Variants in DNM3 observed in about 807,000 individuals in gnomAD.
The protein encoded by DNM3 is dynamin 3, also known as dynamin-3.
DNM3 carries 47 observed loss-of-function variants against 101.6 expected under a neutral mutation model. That is an observed-to-expected ratio of 0.46 (90% CI 0.37 to 0.59). DNM3 has a LOEUF of 0.59. Among genes scored for constraint, DNM3 ranks in the 20% least tolerant of loss-of-function variants. The probability of loss-of-function intolerance (pLI) is 0.00; values close to 1 mark genes in which losing one functional copy is unlikely to be tolerated. For synonymous variants in DNM3, 385 were observed against 387.9 expected (o/e 0.99, Z 0.09); for missense variants, 849 against 1,085.7 (o/e 0.78, Z 3.06).
chr1:172,281,790 G>T (rs1323311305), intron 15 of DNM3, among the ~76,000 whole-genome samples: 1 of 151,944 alleles, frequency 6.6e-6, no homozygotes, highest in Non-Finnish European at 1.5e-5. Flanking sequence ...TGAGATAAAT[G>T]TTCCTAACAA....
At chr1:172,234,377 G>A (rs529235293) in intron 14 of DNM3, among the ~76,000 whole-genome samples, 6 of 152,192 alleles carry the variant, frequency 3.9e-5, no homozygotes, top group East Asian at 1.9e-4. Flanking sequence ...ACTGCTCAAC[G>A]AAATAAAAGA....
chr1:171,897,921 A>ATT (rs398103370), intron 1 of DNM3, among the ~76,000 whole-genome samples: 63 of 148,260 alleles, frequency 4.2e-4, no homozygotes, highest in East Asian at 7.9e-4. Context: ...TCTGCGGTTC[A>ATT]TTTTTTTTTT....
At chr1:172,199,128 A>C (rs1269423687) in intron 14 of DNM3, among the ~76,000 whole-genome samples, 1 of 152,082 alleles carries the variant, frequency 6.6e-6, no homozygotes, top group Admixed American at 6.6e-5. Context: ...CATTATTTTC[A>C]AAGAACTTCT....
intron 4 of DNM3, among the ~76,000 whole-genome samples, chr1:172,030,985 A>G (rs531031744): frequency 6.6e-6 from 1 of 152,312 alleles, no homozygotes; most frequent in Admixed American, 6.5e-5. Context: ...ATTGCGGAAG[A>G]CAGTATGGGA....
intron 14 of DNM3, among the ~76,000 whole-genome samples, chr1:172,145,120 T>G (rs1403326945): frequency 6.6e-6 from 1 of 151,838 alleles, no homozygotes; most frequent in African/African-American, 2.4e-5. Flanking sequence ...AGTGAGTTAG[T>G]GTAGAAGTAC....
intron 13 of DNM3, among the ~76,000 whole-genome samples, chr1:172,117,540 T>C (rs2056004601): frequency 6.6e-6 from 1 of 152,198 alleles, no homozygotes; most frequent in African/African-American, 2.4e-5. Flanking sequence ...AGCCACCGTG[T>C]AAGAAGTGCC....
intron 2 of DNM3, among the ~76,000 whole-genome samples, chr1:171,937,132 A>G (rs917993460): frequency 2.6e-5 from 4 of 152,370 alleles, no homozygotes; most frequent in African/African-American, 9.6e-5. Context: ...ACTGATACAT[A>G]GCAAAAACAT....
At chr1:172,049,931 A>G (rs906582645) in intron 10 of DNM3, among the ~76,000 whole-genome samples, 3 of 152,152 alleles carry the variant, frequency 2.0e-5, no homozygotes. Flanking sequence ...AAAGAAAAGC[A>G]GTAAATGGAA....
At chr1:172,193,599 G>A (rs1479312886) in intron 14 of DNM3, among the ~76,000 whole-genome samples, 2 of 152,154 alleles carry the variant, frequency 1.3e-5, no homozygotes, top group Non-Finnish European at 2.9e-5. Flanking sequence ...GAGGGTGTAT[G>A]TGTCGAGGAA....
intron 13 of DNM3, among the ~76,000 whole-genome samples, chr1:172,094,304 T>C (rs1006620943): frequency 3.3e-5 from 5 of 152,212 alleles, no homozygotes; most frequent in African/African-American, 1.2e-4. Context: ...AGATACTATG[T>C]CTTCTTTTAT....
intron 14 of DNM3, among the ~76,000 whole-genome samples, chr1:172,153,465 A>G (rs2058217958): frequency 6.6e-6 from 1 of 152,160 alleles, no homozygotes; most frequent in African/African-American, 2.4e-5. Flanking sequence ...CCATACTTCA[A>G]TATATGCATC....
chr1:172,279,420 C>A (rs1056516441), intron 15 of DNM3, among the ~76,000 whole-genome samples: 2 of 152,072 alleles, frequency 1.3e-5, no homozygotes, highest in Non-Finnish European at 2.9e-5. Flanking sequence ...TTGCTGTTGT[C>A]AATATCATCA....
At chr1:172,276,180 T>C (rs2063278660) in intron 15 of DNM3, among the ~76,000 whole-genome samples, 1 of 151,636 alleles carries the variant, frequency 6.6e-6, no homozygotes, top group African/African-American at 2.4e-5. Flanking sequence ...CTCTTGAGAG[T>C]AAAAGGGGAC....
chr1:172,390,457 C>T lies in DNM3; in HGVS notation c.2522+1648C>T, dbSNP rs538164346. On this transcript the variant is annotated intron_variant, in intron 20 of 20. Coordinates refer to ENST00000627582, the MANE Select transcript of DNM3 (RefSeq NM_015569.5). Reference sequence around the variant, plus strand: ...GGTTTTTCAGCCTCATCAGTACTGACGTTTTTGTTGTGGAGGGCTGTCCTG... The same window carrying T: ...GGTTTTTCAGCCTCATCAGTACTGATGTTTTTGTTGTGGAGGGCTGTCCTG... Among the ~76,000 whole-genome samples the T allele has an allele frequency of 7.2e-5, 11 of 152,242 alleles. No individual in the cohort carries two copies. In the South Asian group the frequency reaches 1.0e-3, roughly 14 times the overall value.
intron 10 of DNM3, among the ~76,000 whole-genome samples, chr1:172,054,019 G>A (rs1386218859): frequency 2.0e-5 from 3 of 152,090 alleles, no homozygotes; most frequent in Admixed American, 6.5e-5. Context: ...AGTAATAGGA[G>A]TAAACAAAGA....
rs1409592730 is a variant in DNM3 at position 172,408,915 on chromosome 1, A to G, written c.*1074A>G. 1 of 985,394 alleles carries G rather than the reference A, an allele frequency of 1.0e-6. No homozygotes were observed. Among genetic ancestry groups the G allele is most frequent in the African/African-American group, 1.7e-5 (1 of 57,368 alleles). The allele number at this position is 985,394 out of a possible 1,614,324, so 61.0% of individuals were successfully genotyped here. On this transcript the variant is annotated 3_prime_UTR_variant, in exon 21 of 21. Coordinates refer to ENST00000627582, the MANE Select transcript of DNM3 (RefSeq NM_015569.5). ...AAAGAATGGTTCCTGAAATGAAGTCAGTAGAAATGGCATGGGATAAGAGCA... is the reference window on the plus strand; with the variant it reads ...AAAGAATGGTTCCTGAAATGAAGTCGGTAGAAATGGCATGGGATAAGAGCA...
At chr1:171,971,404 T>G (rs2043984742) in intron 2 of DNM3, among the ~76,000 whole-genome samples, 1 of 152,198 alleles carries the variant, frequency 6.6e-6, no homozygotes, top group East Asian at 1.9e-4. Flanking sequence ...TTGACAATTA[T>G]TCATTAAGCT....
intron 14 of DNM3, among the ~76,000 whole-genome samples, chr1:172,239,885 A>AT (rs1393579082): frequency 1.8e-5 from 2 of 109,926 alleles, no homozygotes; most frequent in African/African-American, 3.7e-5. Context: ...CAGTTCATTT[A>AT]TTTTTTCCCT....
At chr1:172,042,952 G>T (rs2049497959) in intron 8 of DNM3, among the ~76,000 whole-genome samples, 1 of 152,122 alleles carries the variant, frequency 6.6e-6, no homozygotes, top group African/African-American at 2.4e-5. Context: ...AGAACAGTAG[G>T]CCAGACCAGG....
Sources: allele counts gnomAD v4.1 joint callset (sites outside exome capture counted in the v4.1 genomes callset), GRCh38; gene constraint gnomAD v4.1.1; transcripts MANE v1.5; gene names NCBI Gene and HGNC (gene_info 2026-07-23, HGNC 2026-07-21).